MEGF11: variants seen among roughly 807,000 people sequenced by gnomAD.
MEGF11 encodes multiple EGF like domains 11, also known as multiple epidermal growth factor-like domains protein 11.
In MEGF11, 126 loss-of-function variants were observed where a neutral mutation model predicts 146.6. That is an observed-to-expected ratio of 0.86 (90% CI 0.74 to 1.00). MEGF11 has a LOEUF of 1.00. Ranked by LOEUF, MEGF11 falls within the 50% of genes least tolerant of loss-of-function variation. MEGF11 has a pLI of 0.00. For missense variants in MEGF11, 1,509 were observed against 1,521.2 expected (o/e 0.99, Z 0.13); for synonymous variants, 532 against 583.4 (o/e 0.91, Z 1.27).
chr15:66,151,898 A>G (rs750064461), intron 1 of MEGF11, among the ~76,000 whole-genome samples: 2 of 152,250 alleles, frequency 1.3e-5, no homozygotes, highest in Admixed American at 6.5e-5. Context: ...GCTCTTCATC[A>G]GTGCCTGGCT....
intron 10 of MEGF11, among the ~76,000 whole-genome samples, chr15:65,944,397 G>C (rs1227279873): frequency 1.3e-5 from 2 of 152,206 alleles, no homozygotes; most frequent in Non-Finnish European, 2.9e-5. Flanking sequence ...GAGAGCAAGG[G>C]TATTCGAGGG....
chr15:66,058,927 A>AC (rs1379603788), intron 5 of MEGF11, among the ~76,000 whole-genome samples: 1 of 151,838 alleles, frequency 6.6e-6, no homozygotes, highest in African/African-American at 2.4e-5. Context: ...TCTCCCCATT[A>AC]CCCCAGACCA....
chr15:65,960,519 C>T (rs1730989591), intron 9 of MEGF11, among the ~76,000 whole-genome samples: 1 of 152,200 alleles, frequency 6.6e-6, no homozygotes, highest in Admixed American at 6.5e-5. Flanking sequence ...TGCATCTTTC[C>T]AAGAGCTTCC....
At chr15:66,233,933 CT>C (rs796578908) in intron 1 of MEGF11, among the ~76,000 whole-genome samples, 50 of 131,690 alleles carry the variant, frequency 3.8e-4, no homozygotes, top group South Asian at 7.2e-4. Flanking sequence ...ATTGTCATTT[CT>C]TTTTTTTTTT....
chr15:66,149,612 C>T (rs948301545), intron 1 of MEGF11, among the ~76,000 whole-genome samples: 2 of 152,160 alleles, frequency 1.3e-5, no homozygotes, highest in Non-Finnish European at 2.9e-5. Context: ...ATCAGCATCA[C>T]GCAGAATACA....
At chr15:65,938,027 G>A (rs2079849514) in intron 10 of MEGF11, among the ~76,000 whole-genome samples, 1 of 152,220 alleles carries the variant, frequency 6.6e-6, no homozygotes, top group Admixed American at 6.5e-5. Flanking sequence ...AAGGTGTGAG[G>A]AATGGTAGGA....
chr15:65,900,272 G>A (rs118190690), intron 24 of MEGF11, among the ~76,000 whole-genome samples: 1 of 152,242 alleles, frequency 6.6e-6, no homozygotes, highest in Non-Finnish European at 1.5e-5. Context: ...TTACATTTTG[G>A]GCTGCTATTT....
intron 5 of MEGF11, among the ~76,000 whole-genome samples, chr15:66,028,145 C>T (rs2083399793): frequency 1.3e-5 from 2 of 152,194 alleles, no homozygotes; most frequent in South Asian, 4.1e-4. Context: ...GTCTCCTCTT[C>T]CTGGTGATCA....
At chr15:65,945,024 G>A (rs1400333071) in intron 10 of MEGF11, among the ~76,000 whole-genome samples, 1 of 151,088 alleles carries the variant, frequency 6.6e-6, no homozygotes, top group African/African-American at 2.4e-5. Context: ...TCAGCCTCCC[G>A]AGTAGCTGGG....
intron 5 of MEGF11, among the ~76,000 whole-genome samples, chr15:65,991,785 A>C (rs1198894713): frequency 6.6e-6 from 1 of 152,252 alleles, no homozygotes; most frequent in African/African-American, 2.4e-5. Context: ...GTGACCACAC[A>C]GCTAACAAAC....
At chr15:65,985,953 A>ATT (rs60520972) in intron 5 of MEGF11, among the ~76,000 whole-genome samples, 3,409 of 140,334 alleles carry the variant, frequency 0.024, 89 homozygotes, top group African/African-American at 0.064. Flanking sequence ...TTGTGTCTGC[A>ATT]TTTTTTTTTT....
intron 23 of MEGF11, among the ~76,000 whole-genome samples, chr15:65,907,131 T>G (rs2078652851): frequency 6.6e-6 from 1 of 152,174 alleles, no homozygotes; most frequent in South Asian, 2.1e-4. Context: ...TCCTTGACTC[T>G]TCCCAGTTTC....
At chr15:66,175,949 G>A (rs890623888) in intron 1 of MEGF11, among the ~76,000 whole-genome samples, 1 of 151,972 alleles carries the variant, frequency 6.6e-6, no homozygotes. Context: ...GAATATATAA[G>A]GCACTCAACA....
At chr15:65,900,628 C>T (rs1042944904) in intron 24 of MEGF11, among the ~76,000 whole-genome samples, 3 of 152,218 alleles carry the variant, frequency 2.0e-5, no homozygotes, top group Non-Finnish European at 4.4e-5. Context: ...CTCTCCTTCT[C>T]CTCTCATTGC....
chr15:66,003,874 C>T (rs115227185), intron 5 of MEGF11, among the ~76,000 whole-genome samples: 1 of 152,218 alleles, frequency 6.6e-6, no homozygotes, highest in Non-Finnish European at 1.5e-5. Flanking sequence ...AGCTACTCCT[C>T]CTGCTCCTGC....
chr15:66,171,552 C>T (rs777380292), intron 1 of MEGF11, among the ~76,000 whole-genome samples: 2 of 152,110 alleles, frequency 1.3e-5, no homozygotes, highest in South Asian at 2.1e-4. Context: ...AGGAGGGACA[C>T]CTGCATTCTG....
At chr15:65,903,045 C>T (rs1244556539) in intron 24 of MEGF11, among the ~76,000 whole-genome samples, 1 of 152,168 alleles carries the variant, frequency 6.6e-6, no homozygotes, top group Non-Finnish European at 1.5e-5. Flanking sequence ...GCCACACTGC[C>T]TCTTCTCTTC....
At chr15:66,020,638 G>T (rs1313755455) in intron 5 of MEGF11, among the ~76,000 whole-genome samples, 1 of 152,184 alleles carries the variant, frequency 6.6e-6, no homozygotes, top group Non-Finnish European at 1.5e-5. Flanking sequence ...TAGGTTGAAA[G>T]AAATGGTGAG....
intron 5 of MEGF11, among the ~76,000 whole-genome samples, chr15:66,010,271 C>T (rs879931268): frequency 6.6e-6 from 1 of 150,908 alleles, no homozygotes; most frequent in Admixed American, 6.6e-5. Context: ...CGGCTCACTG[C>T]AACCTCCGCC....
Sources: allele counts gnomAD v4.1 joint callset (sites outside exome capture counted in the v4.1 genomes callset), GRCh38; gene constraint gnomAD v4.1.1; transcripts MANE v1.5; gene names NCBI Gene and HGNC (gene_info 2026-07-23, HGNC 2026-07-21).